Variants in ASAH1 observed in about 807,000 individuals in gnomAD.
ASAH1 encodes N-acylsphingosine amidohydrolase 1.
In ASAH1, 70 loss-of-function variants were observed where a neutral mutation model predicts 59.5. That is an observed-to-expected ratio of 1.18 (90% CI 0.97 to 1.43). ASAH1 has a LOEUF of 1.43. ASAH1 is among the 40% of genes most tolerant of loss of function. ASAH1 has a pLI of 0.00. For missense variants in ASAH1, 660 were observed against 482.5 expected, an observed-to-expected ratio of 1.37 and a Z score of -3.45; for synonymous variants, 213 against 166.5, an observed-to-expected ratio of 1.28 and a Z score of -2.15.
At chr8:18,075,164 T>C (rs1800348119) in intron 2 of ASAH1, among the ~76,000 whole-genome samples, 1 of 151,644 alleles carries the variant, frequency 6.6e-6, no homozygotes, top group Non-Finnish European at 1.5e-5. Flanking sequence ...CCTGGCTAAT[T>C]TTTTGTATTT....
rs1041642937 is a variant in ASAH1 at position 18,059,673 on chromosome 8, C to A, written c.816G>T (p.Lys272Asn). 9 of 1,614,024 alleles carry A rather than the reference C, an allele frequency of 5.6e-6. No homozygotes were observed. Among genetic ancestry groups the A allele is most frequent in the Non-Finnish European group, 7.6e-6 (9 of 1,180,012 alleles). ...SYEEAKNLLT[K>N]TKILAPAYFI... The stretch of plus-strand genomic sequence containing the variant: ...AGTAGGCTGGGGCCAATATCTTGGT[C>A]TTGGTCAATAAATTCTTGGCTTCTT... The change falls in exon 11 of 14, where the codon AAG (lysine) becomes AAT (asparagine). Residue 272 changes from lysine (K) to asparagine (N), a missense_variant. Coordinates refer to ENST00000637790, the MANE Select transcript of ASAH1 (RefSeq NM_177924.5).
chr8:18,057,755 C>G (rs954060762), intron 13 of ASAH1, 132 bp from the exon 14 acceptor site: 10 of 429,180 alleles, frequency 2.3e-5, no homozygotes, highest in South Asian at 2.1e-4. Flanking sequence ...TTAATATATG[C>G]AAAGCATGTT....
At position 18,067,275 on chromosome 8, in the gene ASAH1, AG is replaced by A; in HGVS notation, c.326del (p.Pro109LeufsTer8). 6.2e-7 allele frequency: 1 copy of A among 1,603,408 alleles called. No homozygotes were observed. Among genetic ancestry groups the A allele is most frequent in the Non-Finnish European group, 8.5e-7 (1 of 1,174,448 alleles). On this transcript the variant is annotated frameshift_variant, in exon 5 of 14. Transcript: ENST00000637790. LOFTEE classifies it high-confidence loss of function. The part of the protein sequence containing the change: ...EKLPGLLGNF[P>X]GPFEEEMKGI... ...CCTTCATTTCCTCTTCAAAAGGGCCAGGAAAGTTGCCAAGTAGGCCAGGCTG... is the reference window on the plus strand; with the variant it reads ...CCTTCATTTCCTCTTCAAAAGGGCCAGAAAGTTGCCAAGTAGGCCAGGCTG...
chr8:18,063,311 AATTT>A (rs1455084736), intron 6 of ASAH1, 81 bp from the exon 7 acceptor site: 3 of 1,191,556 alleles, frequency 2.5e-6, no homozygotes, highest in Non-Finnish European at 3.7e-6. Context: ...TTGATTAATT[AATTT>A]ATTTTTGAGA....
chr8:18,073,655 A>G (rs545849383), intron 2 of ASAH1, among the ~76,000 whole-genome samples: 1 of 152,356 alleles, frequency 6.6e-6, no homozygotes, highest in East Asian at 1.9e-4. Flanking sequence ...CAAACAGGTT[A>G]TCTTTTTCTT....
At chr8:18,076,608 A>G (rs1161251297) in intron 1 of ASAH1, 1 of 152,252 alleles carries the variant, frequency 6.6e-6, no homozygotes, top group Non-Finnish European at 1.5e-5. Context: ...ATTGTTTTAA[A>G]AAAGTACAAA....
chr8:18,061,722 G>A lies in ASAH1; in HGVS notation c.667C>T (p.Leu223=), dbSNP rs371332103. Residue 223 remains leucine (L), a synonymous_variant, in exon 9 of 14, where the codon CTG becomes TTG. Coordinates refer to ENST00000637790, the MANE Select transcript of ASAH1 (RefSeq NM_177924.5). Reference sequence around the variant, plus strand: ...CCATTTATACTGAAACGTTCATTCAGTGTAAGACTGAACAGTCCCTGAGAA... The same window carrying A: ...CCATTTATACTGAAACGTTCATTCAATGTAAGACTGAACAGTCCCTGAGAA... ...GFKPGLFSLT[L]NERFSINGGY... The A allele has an allele frequency of 2.4e-4, 384 of 1,579,952 alleles. No homozygotes were observed. The highest frequency in any genetic ancestry group is 3.2e-4 in the Non-Finnish European group (373 of 1,161,022).
intron 1 of ASAH1, 150 bp from the exon 2 acceptor site, chr8:18,075,737 T>G: frequency 1.4e-6 from 1 of 698,188 alleles, no homozygotes; most frequent in Non-Finnish European, 2.4e-6. Flanking sequence ...AGTCTTTTCT[T>G]TCCAAGAAAA....
chr8:18,082,436 C>T (rs574491776), intron 1 of ASAH1: 1 of 152,284 alleles, frequency 6.6e-6, no homozygotes, highest in Admixed American at 6.5e-5. Context: ...CAGATACCTA[C>T]GTCGGATAAG....
chr8:18,070,399 C>A (rs183307231), intron 3 of ASAH1, among the ~76,000 whole-genome samples: 226 of 152,252 alleles, frequency 1.5e-3, no homozygotes, highest in Middle Eastern at 6.8e-3. Context: ...CCACCCGCCT[C>A]GGCCTCCCAA....
At chr8:18,077,038 T>C (rs117728336) in intron 1 of ASAH1, among the ~76,000 whole-genome samples, 1 of 152,344 alleles carries the variant, frequency 6.6e-6, no homozygotes, top group East Asian at 1.9e-4. Context: ...TGGGGGCAGC[T>C]CGTTTAGAAA....
In ASAH1 at chr8:18,056,052, C is replaced by T. The variant is rs779038715; in HGVS notation, c.*1482G>A. 3 of 152,144 alleles carry T rather than the reference C, an allele frequency of 2.0e-5. No individual in the cohort carries two copies. Among genetic ancestry groups the T allele is most frequent in the Non-Finnish European group, 4.4e-5 (3 of 68,028 alleles). The allele number at this position is 152,144 out of a possible 1,614,324, so 9.4% of individuals were successfully genotyped here. On this transcript the variant is annotated 3_prime_UTR_variant, in exon 14 of 14. Transcript: ENST00000637790. ...AGGTTATTACATTAACAAAAAAATA[C>T]ATCAAGTTGACCTGACTTCATTTAT...
intron 2 of ASAH1, chr8:18,073,216 G>T (rs940072535): frequency 2.0e-6 from 3 of 1,525,938 alleles, no homozygotes; most frequent in Non-Finnish European, 2.7e-6. Flanking sequence ...TATTTAACTT[G>T]TGCGCCTCCA....
intron 1 of ASAH1, 47 bp from the exon 2 acceptor site, chr8:18,075,634 C>A (rs1800373381): frequency 1.9e-6 from 3 of 1,574,562 alleles, no homozygotes; most frequent in South Asian, 2.2e-5. Flanking sequence ...AAATGCTTGC[C>A]AACGGAATAA....
In ASAH1 at chr8:18,057,588, T is replaced by G. The variant is rs1438697024; in HGVS notation, c.1134A>C (p.Lys378Asn). The G allele has an allele frequency of 2.5e-6, 4 of 1,604,540 alleles. No homozygotes were observed. The highest frequency in any genetic ancestry group is 3.4e-6 in the Non-Finnish European group (4 of 1,173,776). ...CCCGCAGGTAAGTTTCGAATTGACCTTTGGTAACATCTATCAAGGTTGTGT... is the reference window on the plus strand; with the variant it reads ...CCCGCAGGTAAGTTTCGAATTGACCGTTGGTAACATCTATCAAGGTTGTGT... ...TVYTTLIDVT[K>N]GQFETYLRDC... The change falls in exon 14 of 14, where the codon AAA (lysine) becomes AAC (asparagine). Residue 378 changes from lysine to asparagine, a missense_variant. Physicochemically the swap from Lys to Asn is moderately conservative, Grantham distance 94. Transcript: ENST00000637790.
Position 18,057,263 on chromosome 8 carries a change from C to T in ASAH1, c.*271G>A. On this transcript the variant is annotated 3_prime_UTR_variant, in exon 14 of 14. Coordinates refer to ENST00000637790, the MANE Select transcript of ASAH1 (RefSeq NM_177924.5). ...CATGGTTCGACTGCCCACCAGATCC[C>T]CAAATGTCAAAGTGAAACAAAACTC... 2.9e-6 allele frequency: 1 copy of T among 342,940 alleles called. No homozygotes were observed. The highest frequency in any genetic ancestry group is 5.7e-6 in the Non-Finnish European group (1 of 174,354). The allele number at this position is 342,940 out of a possible 1,614,324, so 21.2% of individuals were successfully genotyped here.
At chr8:18,080,351 C>T (rs1401626979) in intron 1 of ASAH1, among the ~76,000 whole-genome samples, 3 of 152,158 alleles carry the variant, frequency 2.0e-5, no homozygotes, top group African/African-American at 7.2e-5. Flanking sequence ...TTACGCAGAG[C>T]AGCCATCTCT....
intron 3 of ASAH1, 53 bp from the exon 4 acceptor site, chr8:18,069,931 T>C (rs1800091325): frequency 7.5e-7 from 1 of 1,332,346 alleles, no homozygotes; most frequent in South Asian, 1.2e-5. Flanking sequence ...GCTGTCAAGA[T>C]TACCTTTTGG....
At chr8:18,062,852 A>G (rs7386629) in intron 7 of ASAH1, 108,709 of 327,622 alleles carry the variant, frequency 0.33, 20,558 homozygotes, top group South Asian at 0.48. Context: ...CCTACAGACC[A>G]AAACAGTTCT....
Sources: gnomAD v4.1 joint callset for allele counts (sites outside exome capture counted in the v4.1 genomes callset) on GRCh38, gnomAD v4.1.1 for gene constraint, MANE v1.5 for transcripts, NCBI Gene and HGNC (gene_info 2026-07-23, HGNC 2026-07-21) for gene names.